LRRC69: variants seen among roughly 807,000 people sequenced by gnomAD.
LRRC69 encodes leucine rich repeat containing 69, also known as leucine-rich repeat-containing protein 69.
Under a neutral mutation model 37.8 loss-of-function variants are expected in LRRC69, and 42 were observed. That is an observed-to-expected ratio of 1.11 (90% confidence interval 0.87 to 1.44). The LOEUF is 1.44. Among genes scored for constraint, LRRC69 ranks in the 40% most tolerant of loss-of-function variants. LRRC69 has a pLI of 0.00. For missense variants in LRRC69, 357 were observed against 401.9 expected, an observed-to-expected ratio of 0.89 and a Z score of 0.96; for synonymous variants, 141 against 143.1, an observed-to-expected ratio of 0.99 and a Z score of 0.11.
chr8:91,147,287 ATAT>A (rs1173164145), intron 5 of LRRC69, among the ~76,000 whole-genome samples: 11 of 131,468 alleles, frequency 8.4e-5, no homozygotes, highest in East Asian at 5.9e-4. Flanking sequence ...ATATATAAAC[ATAT>A]TATATATTAT....
At chr8:91,207,860 A>C (rs1196445276) in intron 7 of LRRC69, among the ~76,000 whole-genome samples, 1 of 152,218 alleles carries the variant, frequency 6.6e-6, no homozygotes, top group African/African-American at 2.4e-5. Context: ...TGTATAACAA[A>C]GTATCACAGA....
chr8:91,118,304 AG>A (rs1813551109), intron 1 of LRRC69: 1 of 419,876 alleles, frequency 2.4e-6, no homozygotes, highest in South Asian at 1.6e-5. Context: ...CAGGAGTTCG[AG>A]ACCAGCCTGG....
chr8:91,177,942 G>A (rs6987902), intron 5 of LRRC69, among the ~76,000 whole-genome samples: 101,157 of 149,500 alleles, frequency 0.68, 34,692 homozygotes, highest in African/African-American at 0.74. Flanking sequence ...TCCGCCTCCC[G>A]GGTTCATGCC....
exon 4 of LRRC69, chr8:91,133,271 T>C (rs1738122871): frequency 1.3e-6 from 2 of 1,517,032 alleles, no homozygotes; most frequent in Non-Finnish European, 8.8e-7. Flanking sequence ...CAGAAGCTTT[T>C]GCTAGCCAGA....
intron 7 of LRRC69, among the ~76,000 whole-genome samples, chr8:91,201,798 CAAAT>C (rs1809715444): frequency 6.6e-6 from 1 of 152,206 alleles, no homozygotes; most frequent in Middle Eastern, 3.4e-3. Flanking sequence ...AGGAGACAAA[CAAAT>C]AAGTAAACAC....
chr8:91,103,355 T>G (rs1813254459), intron 1 of LRRC69, among the ~76,000 whole-genome samples: 2 of 152,080 alleles, frequency 1.3e-5, no homozygotes, highest in Admixed American at 1.3e-4. Context: ...GAGGGGACAT[T>G]TATTTCTCCT....
chr8:91,198,484 A>G (rs986264595), intron 6 of LRRC69, among the ~76,000 whole-genome samples: 1 of 152,190 alleles, frequency 6.6e-6, no homozygotes, highest in African/African-American at 2.4e-5. Flanking sequence ...TAGTTCCAAA[A>G]TGTATCACTC....
intron 7 of LRRC69, among the ~76,000 whole-genome samples, chr8:91,203,556 CT>C (rs545573011): frequency 2.0e-5 from 3 of 151,012 alleles, no homozygotes; most frequent in South Asian, 2.1e-4. Context: ...CCACACCTGG[CT>C]TTTTTTTGTG....
chr8:91,150,287 A>C (rs1808708563), intron 5 of LRRC69, among the ~76,000 whole-genome samples: 1 of 152,002 alleles, frequency 6.6e-6, no homozygotes, highest in Non-Finnish European at 1.5e-5. Flanking sequence ...GAGAGTTTTT[A>C]GCATGAAGCG....
At chr8:91,188,911 C>T (rs1809446662) in intron 5 of LRRC69, among the ~76,000 whole-genome samples, 1 of 151,750 alleles carries the variant, frequency 6.6e-6, no homozygotes, top group Admixed American at 6.6e-5. Flanking sequence ...GTGCAACCTC[C>T]ACCTCTGGGT....
At chr8:91,197,618 C>T (rs547816502) in intron 6 of LRRC69, among the ~76,000 whole-genome samples, 12 of 152,232 alleles carry the variant, frequency 7.9e-5, no homozygotes, top group East Asian at 5.8e-4. Flanking sequence ...AGATGCCGTC[C>T]GACACCCCTT....
intron 7 of LRRC69, among the ~76,000 whole-genome samples, chr8:91,205,138 G>T (rs370809394): frequency 1.3e-5 from 2 of 151,902 alleles, no homozygotes; most frequent in South Asian, 2.1e-4. Flanking sequence ...GAATAGATTC[G>T]AATTATAAAA....
At chr8:91,177,743 G>A (rs1212400578) in intron 5 of LRRC69, among the ~76,000 whole-genome samples, 3 of 152,072 alleles carry the variant, frequency 2.0e-5, no homozygotes, top group African/African-American at 7.2e-5. Flanking sequence ...GTAGGTTCTA[G>A]CAGTAGAATT....
chr8:91,205,381 C>T (rs887500418), intron 7 of LRRC69: 2 of 152,260 alleles, frequency 1.3e-5, no homozygotes, highest in African/African-American at 4.8e-5. Flanking sequence ...ATTTATAATC[C>T]TGTAGAATGA....
intron 7 of LRRC69, among the ~76,000 whole-genome samples, chr8:91,213,310 T>C (rs1056515122): frequency 6.6e-6 from 1 of 152,148 alleles, no homozygotes; most frequent in African/African-American, 2.4e-5. Context: ...TAAGCCAAGA[T>C]GCTTTTGAGA....
In LRRC69 at chr8:91,102,722, TTGAA is replaced by T. The variant is rs1264534281; in HGVS notation, c.64_67del (p.Asn22GlyfsTer4). The T allele has an allele frequency of 8.4e-6, 13 of 1,551,692 alleles. No individual in the cohort carries two copies. Among genetic ancestry groups the T allele is most frequent in the South Asian group, 3.6e-5 (3 of 84,040 alleles). On this transcript the variant is annotated frameshift_variant, in exon 1 of 8. Coordinates refer to ENST00000448384, the Ensembl canonical transcript of LRRC69. LOFTEE classifies it high-confidence loss of function. Reference sequence around the variant, plus strand: ...TGGTAAAAATACGAAGATCATTACTTTGAATGGGAAGAAGATGACAAAGATGCCC... The same window carrying T: ...TGGTAAAAATACGAAGATCATTACTTTGGGAAGAAGATGACAAAGATGCCC...
chr8:91,195,173 C>T (rs1028249070), intron 6 of LRRC69, among the ~76,000 whole-genome samples: 1 of 152,046 alleles, frequency 6.6e-6, no homozygotes. Context: ...ATTCTTAATC[C>T]TGAGTTCTAG....
At chr8:91,114,907 A>G (rs1586225595) in intron 1 of LRRC69, among the ~76,000 whole-genome samples, 1 of 152,030 alleles carries the variant, frequency 6.6e-6, no homozygotes, top group East Asian at 1.9e-4. Context: ...AACATGGATG[A>G]GCCTGGCAGA....
intron 5 of LRRC69, among the ~76,000 whole-genome samples, chr8:91,140,246 T>TTG (rs1383663530): frequency 2.0e-5 from 3 of 152,012 alleles, no homozygotes; most frequent in African/African-American, 4.8e-5. Flanking sequence ...CATTCTCAGT[T>TTG]TTCTCACATA....
Sources: allele counts gnomAD v4.1 joint callset (sites outside exome capture counted in the v4.1 genomes callset), GRCh38; gene constraint gnomAD v4.1.1; transcripts MANE v1.5; gene names NCBI Gene and HGNC (gene_info 2026-07-23, HGNC 2026-07-21).